Variants in AKR1C3 observed in about 807,000 individuals in gnomAD.
The protein encoded by AKR1C3 is 3-alpha hydroxysteroid dehydrogenase, type II.
AKR1C3 carries 48 observed loss-of-function variants against 43.6 expected under a neutral mutation model. That is an observed-to-expected ratio of 1.10 (90% CI 0.87 to 1.40). The LOEUF (loss-of-function observed/expected upper bound fraction) is 1.40, where lower values mean the gene tolerates loss of function less well. AKR1C3 is among the 40% of genes most tolerant of loss of function. AKR1C3 has a pLI of 0.00. For missense variants in AKR1C3, 482 were observed against 391.2 expected, an observed-to-expected ratio of 1.23 and a Z score of -1.96; for synonymous variants, 162 against 139.6, an observed-to-expected ratio of 1.16 and a Z score of -1.13.
At chr10:5,061,936 A>C (rs1451644983) in intron 1 of AKR1C3, among the ~76,000 whole-genome samples, 2 of 152,232 alleles carry the variant, frequency 1.3e-5, no homozygotes. Flanking sequence ...CATCTAATAA[A>C]GCAAACTCTC....
intron 1 of AKR1C3, among the ~76,000 whole-genome samples, chr10:5,084,663 T>C (rs1465653623): frequency 2.0e-5 from 3 of 152,148 alleles, no homozygotes; most frequent in Non-Finnish European, 4.4e-5. Flanking sequence ...TAAATTACCT[T>C]GGGCAGTATG....
intron 1 of AKR1C3, among the ~76,000 whole-genome samples, chr10:5,087,677 C>G (rs1188697636): frequency 2.0e-5 from 3 of 151,874 alleles, no homozygotes; most frequent in Non-Finnish European, 4.4e-5. Context: ...CCAGCCTCAC[C>G]TTTATCTTTT....
intron 1 of AKR1C3, among the ~76,000 whole-genome samples, chr10:5,063,298 T>C (rs1838420113): frequency 6.6e-6 from 1 of 152,180 alleles, no homozygotes; most frequent in Non-Finnish European, 1.5e-5. Flanking sequence ...TTAAGTTACA[T>C]TGGCATTGAT....
At chr10:5,073,187 C>G (rs1311491738) in intron 1 of AKR1C3, among the ~76,000 whole-genome samples, 1 of 152,138 alleles carries the variant, frequency 6.6e-6, no homozygotes, top group African/African-American at 2.4e-5. Context: ...TGGTCTCGAA[C>G]CCTTGTCCTC....
At chr10:5,048,861 C>T (rs782045836) in exon 1 of AKR1C3, 3 of 1,613,962 alleles carry the variant, frequency 1.9e-6, no homozygotes, top group Admixed American at 1.7e-5. Context: ...CACTTCATGC[C>T]TGTCCTGGGA....
chr10:5,057,938 A>G (rs1838297475), intron 1 of AKR1C3, among the ~76,000 whole-genome samples: 9 of 152,176 alleles, frequency 5.9e-5, no homozygotes. Context: ...TAGGACATCT[A>G]TGTACCTATC....
At chr10:5,057,250 T>G (rs2131778950) in intron 1 of AKR1C3, among the ~76,000 whole-genome samples, 1 of 152,344 alleles carries the variant, frequency 6.6e-6, no homozygotes, top group South Asian at 2.1e-4. Flanking sequence ...TACCAGGTGA[T>G]GGGCCTGCTC....
At position 5,097,491 on chromosome 10, in the gene AKR1C3, A is replaced by G. The variant is rs782048590; in HGVS notation, c.310A>G (p.Lys104Glu). The change falls in exon 3 of 9, where the codon AAG (lysine) becomes GAG (glutamate). Residue 104 changes from lysine (K) to glutamate (E), a missense_variant. Physicochemically the swap from Lys to Glu is moderately conservative, Grantham distance 56 (BLOSUM62 1). Transcript: ENST00000380554. The part of the protein sequence containing the change: ...LVRPALENSL[K>E]KAQLDYVDLY... ...CCGACCAGCCTTGGAAAACTCACTG[A>G]AGAAAGCTCAATTGGACTATGTTGA... The G allele has an allele frequency of 6.2e-7, 1 of 1,613,756 alleles. No homozygotes were observed. Among genetic ancestry groups the G allele is most frequent in the Non-Finnish European group, 8.5e-7 (1 of 1,179,852 alleles).
At chr10:5,089,113 GT>G (rs1839032293) in intron 1 of AKR1C3, among the ~76,000 whole-genome samples, 1 of 151,748 alleles carries the variant, frequency 6.6e-6, no homozygotes, top group Non-Finnish European at 1.5e-5. Flanking sequence ...TGTTAAATCT[GT>G]TTAGTATAAT....
At chr10:5,069,366 CAA>C (rs1838573929) in intron 1 of AKR1C3, among the ~76,000 whole-genome samples, 1 of 152,100 alleles carries the variant, frequency 6.6e-6, no homozygotes, top group Admixed American at 6.6e-5. Flanking sequence ...AAATAGAACT[CAA>C]ATTCTATTTA....
chr10:5,073,552 TCA>T (rs1180661552), intron 1 of AKR1C3, among the ~76,000 whole-genome samples: 27 of 152,190 alleles, frequency 1.8e-4, no homozygotes, highest in African/African-American at 4.8e-4. Flanking sequence ...CCTTTCTCTC[TCA>T]GTCTTACCCA....
At chr10:5,056,808 C>G (rs1554779643) in intron 1 of AKR1C3, among the ~76,000 whole-genome samples, 1 of 152,194 alleles carries the variant, frequency 6.6e-6, no homozygotes, top group African/African-American at 2.4e-5. Context: ...TCAGGCATAA[C>G]AAGAAAGGCA....
chr10:5,099,292 G>A lies in AKR1C3; in HGVS notation c.448-35G>A, dbSNP rs1554785614. ...CATTTACCGTGATTTGCAGCCAACT[G>A]CACAAATAATTCCTCACAACCCCTT... is the stretch of plus-strand genomic sequence containing the variant. On this transcript the variant is annotated intron_variant, in intron 4 of 8. Coordinates refer to ENST00000380554, the MANE Select transcript of AKR1C3 (RefSeq NM_003739.6). 7 of 1,613,342 alleles carry A rather than the reference G, an allele frequency of 4.3e-6. No individual in the cohort carries two copies. The Admixed American group carries it at 8.3e-5, about 19-fold the overall frequency.
chr10:5,071,077 A>G lies in AKR1C3; in HGVS notation c.84+22182A>G, dbSNP rs552078841. ...ATTTCTTTTTGTTGCCTCACAATGG[A>G]TTTCCACTTATTTACAGAGAATTAT... On this transcript the variant is annotated intron_variant, in intron 1 of 8. Coordinates refer to the AKR1C3 transcript ENST00000439082. Among the ~76,000 whole-genome samples the G allele has an allele frequency of 2.6e-5, 4 of 152,288 alleles. No homozygotes were observed. In the South Asian group the frequency reaches 8.3e-4, roughly 32 times the overall value.
At chr10:5,065,473 G>T (rs77687129) in intron 1 of AKR1C3, among the ~76,000 whole-genome samples, 18 of 152,210 alleles carry the variant, frequency 1.2e-4, no homozygotes, top group Non-Finnish European at 2.4e-4. Context: ...AGTTGATTGT[G>T]TTACCGAAAG....
intron 5 of AKR1C3, among the ~76,000 whole-genome samples, chr10:5,100,862 CTT>C (rs2131845281): frequency 6.6e-6 from 1 of 151,872 alleles, no homozygotes; most frequent in East Asian, 1.9e-4. Context: ...ATTGTTAACA[CTT>C]TGCCACATTG....
At chr10:5,099,075 G>T (rs1251694460) in intron 4 of AKR1C3, among the ~76,000 whole-genome samples, 196 bp downstream of exon 4, 1 of 152,212 alleles carries the variant, frequency 6.6e-6, no homozygotes, top group African/African-American at 2.4e-5. Context: ...TGGGGGCAAG[G>T]AGGACAGGAA....
At chr10:5,070,341 A>AC (rs76716817) in intron 1 of AKR1C3, among the ~76,000 whole-genome samples, 86,471 of 151,976 alleles carry the variant, frequency 0.57, 25,597 homozygotes, top group East Asian at 0.79. Context: ...AAATGCACAA[A>AC]AAAGCAAAGA....
At chr10:5,075,539 A>C (rs999034315) in intron 1 of AKR1C3, among the ~76,000 whole-genome samples, 2 of 152,120 alleles carry the variant, frequency 1.3e-5, no homozygotes, top group Non-Finnish European at 1.5e-5. Flanking sequence ...ATTCTCAATC[A>C]GAGCTTTTCC....
Sources: gnomAD v4.1 joint callset for allele counts (sites outside exome capture counted in the v4.1 genomes callset) on GRCh38, gnomAD v4.1.1 for gene constraint, MANE v1.5 for transcripts, NCBI Gene and HGNC (gene_info 2026-07-23, HGNC 2026-07-21) for gene names.